Variants in STX8 observed in about 807,000 individuals in gnomAD.
STX8 encodes the protein syntaxin 8, also known as syntaxin-8.
A neutral mutation model predicts 37.5 loss-of-function variants in STX8; 23 were observed. The observed-to-expected ratio is 0.61, with a 90% CI of 0.44 to 0.87. The LOEUF (loss-of-function observed/expected upper bound fraction) is 0.87. STX8 is among the 40% of genes least tolerant of loss of function. The pLI is 0.00. For missense variants in STX8, 313 were observed against 284.7 expected (o/e 1.10, Z -0.71); for synonymous variants, 115 against 99.1 (o/e 1.16, Z -0.95).
intron 7 of STX8, among the ~76,000 whole-genome samples, chr17:9,252,669 A>T (rs974433436): frequency 2.0e-5 from 3 of 150,900 alleles, no homozygotes; most frequent in Admixed American, 6.6e-5. Context: ...CTTCTTTGTC[A>T]TCTACCTGTG....
At chr17:9,340,127 T>C (rs1910294269) in intron 7 of STX8, among the ~76,000 whole-genome samples, 2 of 152,378 alleles carry the variant, frequency 1.3e-5, no homozygotes, top group South Asian at 4.1e-4. Flanking sequence ...TAATAAATAG[T>C]TCATTTGGAA....
intron 6 of STX8, among the ~76,000 whole-genome samples, chr17:9,390,950 AG>A (rs1912198052): frequency 6.6e-6 from 1 of 152,182 alleles, no homozygotes; most frequent in Non-Finnish European, 1.5e-5. Flanking sequence ...CTCAAAAAAA[AG>A]TGACAAAACT....
At chr17:9,424,560 C>T (rs1021456799) in intron 6 of STX8, among the ~76,000 whole-genome samples, 1 of 152,074 alleles carries the variant, frequency 6.6e-6, no homozygotes, top group South Asian at 2.1e-4. Flanking sequence ...CATTCTCCCT[C>T]GATCCCCTCT....
chr17:9,331,550 G>T (rs1013481296), intron 7 of STX8, among the ~76,000 whole-genome samples: 16 of 152,186 alleles, frequency 1.1e-4, no homozygotes, highest in African/African-American at 3.6e-4. Context: ...GACCGAGGCC[G>T]GGTGTCCTGC....
chr17:9,298,727 G>T (rs931268494), intron 7 of STX8, among the ~76,000 whole-genome samples: 2 of 152,154 alleles, frequency 1.3e-5, no homozygotes, highest in Non-Finnish European at 2.9e-5. Flanking sequence ...CAGAAGAATT[G>T]CTTGAAACCA....
chr17:9,330,942 A>G (rs1369668932), intron 7 of STX8, among the ~76,000 whole-genome samples: 1 of 152,238 alleles, frequency 6.6e-6, no homozygotes. Flanking sequence ...ACGAATAACT[A>G]GCTAGCAATT....
intron 4 of STX8, among the ~76,000 whole-genome samples, chr17:9,528,024 G>C (rs1437810023): frequency 6.6e-6 from 1 of 152,204 alleles, no homozygotes; most frequent in Non-Finnish European, 1.5e-5. Context: ...GAATACAACT[G>C]ACGAATTTGT....
At chr17:9,277,028 A>T (rs1240266424) in intron 7 of STX8, among the ~76,000 whole-genome samples, 3 of 151,584 alleles carry the variant, frequency 2.0e-5, no homozygotes, top group African/African-American at 7.3e-5. Context: ...ACACACGACA[A>T]CCTTGAACTC....
At chr17:9,480,560 T>A (rs1330354561) in intron 6 of STX8, among the ~76,000 whole-genome samples, 1 of 152,098 alleles carries the variant, frequency 6.6e-6, no homozygotes, top group African/African-American at 2.4e-5. Context: ...AGGTCACAGA[T>A]CACTAAATGG....
At chr17:9,288,150 A>G (rs1370232024) in intron 7 of STX8, among the ~76,000 whole-genome samples, 2 of 138,912 alleles carry the variant, frequency 1.4e-5, no homozygotes, top group African/African-American at 2.6e-5. Context: ...CAAAAAAAAA[A>G]AAAACCAAAA....
At chr17:9,570,618 T>C (rs911960521) in intron 1 of STX8, among the ~76,000 whole-genome samples, 8 of 152,022 alleles carry the variant, frequency 5.3e-5, no homozygotes, top group African/African-American at 1.9e-4. Flanking sequence ...AACAGGAGGC[T>C]AATAAGGAAA....
intron 6 of STX8, among the ~76,000 whole-genome samples, chr17:9,389,851 A>T (rs1205960198): frequency 6.6e-6 from 1 of 152,300 alleles, no homozygotes; most frequent in Admixed American, 6.5e-5. Flanking sequence ...TATCATACTC[A>T]AATTTATCAA....
chr17:9,523,571 G>A (rs749606858), intron 4 of STX8, among the ~76,000 whole-genome samples: 8 of 152,048 alleles, frequency 5.3e-5, no homozygotes, highest in Non-Finnish European at 8.8e-5. Context: ...TGATAAATCC[G>A]TTGAGTGTCC....
intron 6 of STX8, among the ~76,000 whole-genome samples, chr17:9,479,179 T>C (rs941702669): frequency 3.9e-5 from 6 of 152,088 alleles, no homozygotes; most frequent in Admixed American, 1.3e-4. Context: ...CTAAACTCTC[T>C]CAGTTTAGAT....
intron 4 of STX8, among the ~76,000 whole-genome samples, chr17:9,528,111 TTC>T (rs1372477107): frequency 6.6e-6 from 1 of 152,224 alleles, no homozygotes; most frequent in Non-Finnish European, 1.5e-5. Flanking sequence ...TATAGTACAG[TTC>T]TGTTTTCTTT....
chr17:9,310,950 A>G (rs993325191), intron 7 of STX8, among the ~76,000 whole-genome samples: 3 of 152,082 alleles, frequency 2.0e-5, no homozygotes, highest in African/African-American at 7.2e-5. Flanking sequence ...TTGAAAGAGG[A>G]GGAGTCGGCC....
rs549787181 is a variant in STX8, at chr17:9,463,385, T to C, written c.541+28444A>G. The stretch of plus-strand genomic sequence containing the variant: ...TTCGCTATCACAGAATTACTGATAA[T>C]AACAGGTATCCCTGCAATCTATTCC... On this transcript the variant is annotated intron_variant, in intron 6 of 7. Transcript: ENST00000306357. Among the ~76,000 whole-genome samples, 9 of 152,336 alleles carry C rather than the reference T, an allele frequency of 5.9e-5. No homozygotes were observed. The East Asian group carries it at 9.6e-4, about 16-fold the overall frequency.
intron 7 of STX8, among the ~76,000 whole-genome samples, chr17:9,349,463 A>G (rs1419382851): frequency 6.6e-6 from 1 of 151,098 alleles, no homozygotes; most frequent in Non-Finnish European, 1.5e-5. Context: ...TGGAATTAGA[A>G]GTGCCCACCA....
At chr17:9,571,488 C>CGGG (rs562685034) in intron 1 of STX8, among the ~76,000 whole-genome samples, 10 of 148,850 alleles carry the variant, frequency 6.7e-5, no homozygotes, top group African/African-American at 1.0e-4. Flanking sequence ...GTAATTGGGT[C>CGGG]GGGGGGTGGC....
Sources: allele counts gnomAD v4.1 joint callset (sites outside exome capture counted in the v4.1 genomes callset), GRCh38; gene constraint gnomAD v4.1.1; transcripts MANE v1.5; gene names NCBI Gene and HGNC (gene_info 2026-07-23, HGNC 2026-07-21).